The following C2orf72 variants were observed in gnomAD, a reference collection of about 807,000 sequenced individuals.
The protein encoded by C2orf72 is uncharacterized protein C2orf72.
A neutral mutation model predicts 14.4 loss-of-function variants in C2orf72; 16 were observed. That is an observed-to-expected ratio of 1.11 (90% CI 0.75 to 1.69). The LOEUF (loss-of-function observed/expected upper bound fraction) is 1.69, where lower values mean the gene tolerates loss of function less well. Among genes scored for constraint, C2orf72 ranks in the 40% most tolerant of loss-of-function variants. C2orf72 has a pLI of 0.00. For missense variants in C2orf72, 371 were observed against 358.3 expected (o/e 1.04, Z -0.29); for synonymous variants, 168 against 176.8 (o/e 0.95, Z 0.40).
rs1693466605 is a variant in C2orf72 at position 231,049,693 on chromosome 2, C to T, written c.*2672C>T. Reference sequence around the variant, plus strand: ...CATATCTAATAAAACCAAGAAGTACCTCGTTGATATCTTATAGAAAACAAA... The same window carrying T: ...CATATCTAATAAAACCAAGAAGTACTTCGTTGATATCTTATAGAAAACAAA... On this transcript the variant is annotated 3_prime_UTR_variant, in exon 3 of 3. Transcript: ENST00000373640. 1.3e-5 allele frequency: 2 copies of T among 152,054 alleles called. No individual in the cohort carries two copies. The highest frequency in any genetic ancestry group is 1.3e-4 in the Admixed American group (2 of 15,280). The allele number at this position is 152,054 out of a possible 1,614,324, so 9.4% of individuals were successfully genotyped here.
At position 231,037,638 on chromosome 2, in the gene C2orf72, G is replaced by C; in HGVS notation, c.73G>C (p.Glu25Gln). 1 of 1,121,734 alleles carries C rather than the reference G, an allele frequency of 8.9e-7. No individual in the cohort carries two copies. The highest frequency in any genetic ancestry group is 1.1e-6 in the Non-Finnish European group (1 of 913,206). 69.5% of individuals were successfully genotyped at this position (1,121,734 alleles called of 1,614,324 possible). A position where few individuals can be genotyped will look rare whatever the true frequency, so the allele number is the denominator to read the frequency against. The change falls in exon 1 of 3, where the codon GAA becomes CAA. Residue 25 changes from glutamate (E) to glutamine (Q), a missense_variant. This residue lies in a region of C2orf72 where 214 missense variants were observed against 178.7 expected (regional missense o/e 1.20). Coordinates refer to ENST00000373640, the MANE Select transcript of C2orf72 (RefSeq NM_001144994.2). The part of the protein sequence containing the change: ...PAEPPFQALV[E>Q]AAGGRGQVLL... ...CGAGCCGCCCTTCCAGGCGTTGGTG[G>C]AAGCGGCGGGGGGCCGCGGGCAGGT...
chr2:231,044,023 G>A (rs1693377345), intron 2 of C2orf72, among the ~76,000 whole-genome samples: 1 of 152,114 alleles, frequency 6.6e-6, no homozygotes, highest in South Asian at 2.1e-4. Context: ...GAATATTGTG[G>A]GCAACTGTAA....
Position 231,037,542 on chromosome 2 carries a change from C to T in C2orf72, c.-24C>T, listed in dbSNP as rs1350704203. On this transcript the variant is annotated 5_prime_UTR_variant, in exon 1 of 3. Coordinates refer to ENST00000373640, the MANE Select transcript of C2orf72 (RefSeq NM_001144994.2). ...GCGGGTGCGCCCGGGCCGCGGCGGC[C>T]GCAGAGGGCGGGCGGCGGCCAGCAT... 3 of 1,000,880 alleles carry T rather than the reference C, an allele frequency of 3.0e-6. No homozygotes were observed. The highest frequency in any genetic ancestry group is 4.5e-5 in the South Asian group (1 of 22,180). The allele number at this position is 1,000,880 out of a possible 1,614,324, so 62.0% of individuals were successfully genotyped here. A position where few individuals can be genotyped will look rare whatever the true frequency, so the allele number is the denominator to read the frequency against.
At chr2:231,040,121 A>C (rs1693319977) in intron 1 of C2orf72, among the ~76,000 whole-genome samples, 1 of 152,086 alleles carries the variant, frequency 6.6e-6, no homozygotes, top group African/African-American at 2.4e-5. Flanking sequence ...TCACCTGGCC[A>C]ATCCCATTTG....
intron 1 of C2orf72, among the ~76,000 whole-genome samples, chr2:231,038,983 C>A (rs1045077706): frequency 3.3e-5 from 5 of 152,128 alleles, no homozygotes; most frequent in South Asian, 2.1e-4. Context: ...GATCTCCTTC[C>A]TCCTGGAACA....
Position 231,037,941 on chromosome 2 carries a change from C to G in C2orf72, c.376C>G (p.Arg126Gly). The G allele has an allele frequency of 9.7e-7, 1 of 1,031,808 alleles. No individual in the cohort carries two copies. Among genetic ancestry groups the G allele is most frequent in the Non-Finnish European group, 1.2e-6 (1 of 862,580 alleles). The allele number at this position is 1,031,808 out of a possible 1,614,324, so 63.9% of individuals were successfully genotyped here. ...LAAREPRRRL[R>G]EMLRDVRGRR... is the part of the protein sequence containing the mutation. ...CGCCCGGGAGCCGCGGCGCCGCCTG[C>G]GGGAGATGCTGCGGGACGTGCGCGG... Residue 126 changes from arginine (R) to glycine (G), a missense_variant, in exon 1 of 3, where the codon CGG becomes GGG. This residue lies in a region of C2orf72 where 214 missense variants were observed against 178.7 expected (regional missense o/e 1.20). Transcript: ENST00000373640.
chr2:231,037,789 G>A lies in C2orf72; in HGVS notation c.224G>A (p.Gly75Glu), dbSNP rs1381709840. The stretch of plus-strand genomic sequence containing the variant: ...GGCGGCGCGGCGGCAGAGGGCGCGG[G>A]GCCCGGGGCGGCGCGCGGGGCGCAG... ...KPGGAAAEGA[G>E]PGAARGAQRA... The change falls in exon 1 of 3, where the codon GGG becomes GAG. Residue 75 changes from glycine (G) to glutamate (E), a missense_variant. Gly to Glu is a moderately conservative substitution (Grantham distance 98). This residue lies in a region of C2orf72 where 214 missense variants were observed against 178.7 expected (regional missense o/e 1.20). Transcript: ENST00000373640. The A allele has an allele frequency of 1.0e-6, 1 of 983,544 alleles. No homozygotes were observed. Among genetic ancestry groups the A allele is most frequent in the Non-Finnish European group, 1.2e-6 (1 of 830,060 alleles). 60.9% of individuals were successfully genotyped at this position (983,544 alleles called of 1,614,324 possible).
At position 231,037,807 on chromosome 2, in the gene C2orf72, G is replaced by A; in HGVS notation, c.242G>A (p.Gly81Glu). 1 of 980,248 alleles carries A rather than the reference G, an allele frequency of 1.0e-6. No homozygotes were observed. The highest frequency in any genetic ancestry group is 1.2e-6 in the Non-Finnish European group (1 of 828,282). 60.7% of individuals were successfully genotyped at this position (980,248 alleles called of 1,614,324 possible). The change falls in exon 1 of 3, where the codon GGG becomes GAG. Residue 81 changes from glycine to glutamate, a missense_variant. Around this residue, in one of 3 missense-constraint regions of C2orf72, gnomAD observed 214 missense variants for 178.7 expected, o/e 1.20. Coordinates refer to ENST00000373640, the MANE Select transcript of C2orf72 (RefSeq NM_001144994.2). ...AEGAGPGAAR[G>E]AQRAARAAGA... ...GGCGCGGGGCCCGGGGCGGCGCGCG[G>A]GGCGCAGAGGGCGGCGAGGGCGGCT...
Position 231,037,969 on chromosome 2 carries a change from G to A in C2orf72, c.404G>A (p.Arg135Gln). 1 of 1,022,644 alleles carries A rather than the reference G, an allele frequency of 9.8e-7. No individual in the cohort carries two copies. The highest frequency in any genetic ancestry group is 1.7e-5 in the African/African-American group (1 of 57,436). 63.3% of individuals were successfully genotyped at this position (1,022,644 alleles called of 1,614,324 possible). A position where few individuals can be genotyped will look rare whatever the true frequency, so the allele number is the denominator to read the frequency against. ...GAGATGCTGCGGGACGTGCGCGGCC[G>A]GCGGCGGGCCGGGGCGGCGCTGGTC... ...LREMLRDVRG[R>Q]RRAGAALVGV... The change falls in exon 1 of 3, where the codon CGG (arginine) becomes CAG (glutamine). Residue 135 changes from arginine to glutamine, a missense_variant. Around this residue, in one of 3 missense-constraint regions of C2orf72, gnomAD observed 214 missense variants for 178.7 expected, o/e 1.20. Transcript: ENST00000373640.
intron 2 of C2orf72, among the ~76,000 whole-genome samples, chr2:231,045,582 C>T (rs1251015169): frequency 3.5e-5 from 5 of 144,820 alleles, no homozygotes; most frequent in African/African-American, 1.3e-4. Context: ...TGCAGTGGCA[C>T]GTCTTGGCTC....
intron 2 of C2orf72, among the ~76,000 whole-genome samples, chr2:231,044,688 T>TTG (rs61695348): frequency 6.8e-6 from 1 of 146,150 alleles, no homozygotes; most frequent in African/African-American, 2.5e-5. Context: ...TTTTTTTTTT[T>TTG]GCTAAAAACT....
chr2:231,038,993 A>G (rs1693302308), intron 1 of C2orf72, among the ~76,000 whole-genome samples: 1 of 152,178 alleles, frequency 6.6e-6, no homozygotes, highest in African/African-American at 2.4e-5. Flanking sequence ...CTCCTGGAAC[A>G]CAAGGCTTTA....
intron 2 of C2orf72, among the ~76,000 whole-genome samples, chr2:231,041,815 A>G (rs1467259730): frequency 1.3e-5 from 2 of 152,076 alleles, no homozygotes; most frequent in Non-Finnish European, 2.9e-5. Context: ...TTGGAAAAGG[A>G]GCACTGAGCT....
Position 231,047,315 on chromosome 2 carries a change from G to C in C2orf72, c.*294G>C, listed in dbSNP as rs1311924095. ...ACTGAGACAGATGGCTGTCCGCTTT[G>C]AGGCTCTGCAGAGCTGTGGCACCCC... On this transcript the variant is annotated 3_prime_UTR_variant, in exon 3 of 3. Coordinates refer to ENST00000373640, the MANE Select transcript of C2orf72 (RefSeq NM_001144994.2). 1 of 468,474 alleles carries C rather than the reference G, an allele frequency of 2.1e-6. No homozygotes were observed. The highest frequency in any genetic ancestry group is 1.9e-5 in the South Asian group (1 of 53,964). 29.0% of individuals were successfully genotyped at this position (468,474 alleles called of 1,614,324 possible).
chr2:231,043,081 C>A (rs547067577), intron 2 of C2orf72, among the ~76,000 whole-genome samples: 2 of 152,370 alleles, frequency 1.3e-5, no homozygotes, highest in Admixed American at 6.5e-5. Flanking sequence ...TTCTTGCTGG[C>A]TGTCAGCTGG....
In C2orf72 at chr2:231,047,275, C is replaced by G. The variant is rs187215781; in HGVS notation, c.*254C>G. 1.8e-6 allele frequency: 1 copy of G among 562,146 alleles called. No individual in the cohort carries two copies. The highest frequency in any genetic ancestry group is 1.9e-5 in the African/African-American group (1 of 53,996). 34.8% of individuals were successfully genotyped at this position (562,146 alleles called of 1,614,324 possible). A position where few individuals can be genotyped will look rare whatever the true frequency, so the allele number is the denominator to read the frequency against. On this transcript the variant is annotated 3_prime_UTR_variant, in exon 3 of 3. Transcript: ENST00000373640. Reference sequence around the variant, plus strand: ...GGGAGGTTATTTTGTCTCTCTGTCTCGGTTTCTCTGAGCCACTGAGACAGA... The same window carrying G: ...GGGAGGTTATTTTGTCTCTCTGTCTGGGTTTCTCTGAGCCACTGAGACAGA...
intron 2 of C2orf72, among the ~76,000 whole-genome samples, chr2:231,044,967 A>C (rs569846665): frequency 6.7e-6 from 1 of 149,468 alleles, no homozygotes; most frequent in East Asian, 1.9e-4. Flanking sequence ...ATATATACAC[A>C]CACACACACA....
chr2:231,037,840 C>T lies in C2orf72; in HGVS notation c.275C>T (p.Ala92Val). 1 of 977,998 alleles carries T rather than the reference C, an allele frequency of 1.0e-6. No homozygotes were observed. Among genetic ancestry groups the T allele is most frequent in the African/African-American group, 1.8e-5 (1 of 55,824 alleles). 60.6% of individuals were successfully genotyped at this position (977,998 alleles called of 1,614,324 possible). A position where few individuals can be genotyped will look rare whatever the true frequency, so the allele number is the denominator to read the frequency against. ...AQRAARAAGA[A>V]GAAAAAARAI... Reference sequence around the variant, plus strand: ...AGGGCGGCGAGGGCGGCTGGGGCGGCGGGGGCGGCGGCGGCGGCGGCGCGC... The same window carrying T: ...AGGGCGGCGAGGGCGGCTGGGGCGGTGGGGGCGGCGGCGGCGGCGGCGCGC... The change falls in exon 1 of 3, where the codon GCG becomes GTG. Residue 92 changes from alanine (A) to valine (V), a missense_variant. This residue lies in a region of C2orf72 where 214 missense variants were observed against 178.7 expected (regional missense o/e 1.20). Transcript: ENST00000373640.
At chr2:231,046,598 C>T (rs1168381617) in intron 2 of C2orf72, among the ~76,000 whole-genome samples, 2 of 152,122 alleles carry the variant, frequency 1.3e-5, no homozygotes, top group African/African-American at 4.8e-5. Flanking sequence ...CAGGTTTGCT[C>T]TTTCTCTCTG....
Sources: gnomAD v4.1 joint callset for allele counts (sites outside exome capture counted in the v4.1 genomes callset) on GRCh38, gnomAD v4.1.1 for gene constraint, gnomAD v4.1.1 regional missense constraint, MANE v1.5 for transcripts, NCBI Gene and HGNC (gene_info 2026-07-23, HGNC 2026-07-21) for gene names.